The following ANK3 variants were observed in gnomAD, a reference collection of about 807,000 sequenced individuals.
The protein encoded by ANK3 is ankyrin-3.
A neutral mutation model predicts 370.9 loss-of-function variants in ANK3; 57 were observed. The observed-to-expected ratio is 0.15, with a 90% CI of 0.12 to 0.19. ANK3 has a LOEUF of 0.19. Among genes scored for constraint, ANK3 ranks in the 10% least tolerant of loss-of-function variants. ANK3 has a pLI of 1.00. For synonymous variants in ANK3, 1,929 were observed against 1,946.3 expected, an observed-to-expected ratio of 0.99 and a Z score of 0.23; for missense variants, 4,439 against 5,302.1, an observed-to-expected ratio of 0.84 and a Z score of 5.06.
At chr10:60,684,876 T>A in intron 1 of ANK3, 1 of 1,485,854 alleles carries the variant, frequency 6.7e-7, no homozygotes, top group South Asian at 1.2e-5. Context: ...TATCAGAAAA[T>A]CAAGGAGTCC....
intron 2 of ANK3, among the ~76,000 whole-genome samples, chr10:60,606,427 G>A (rs912298476): frequency 1.3e-5 from 2 of 151,864 alleles, no homozygotes; most frequent in African/African-American, 4.8e-5. Flanking sequence ...CCCTCATTTG[G>A]TGATTAAAAT....
chr10:60,350,959 T>C (rs917505614), intron 1 of ANK3, among the ~76,000 whole-genome samples: 2 of 151,196 alleles, frequency 1.3e-5, no homozygotes, highest in Non-Finnish European at 2.9e-5. Flanking sequence ...ATTGGTTTCA[T>C]AGAGAAAAAA....
intron 8 of ANK3, among the ~76,000 whole-genome samples, chr10:60,229,308 G>A (rs1052568653): frequency 6.6e-6 from 1 of 152,034 alleles, no homozygotes; most frequent in Non-Finnish European, 1.5e-5. Flanking sequence ...TAATGTTCTT[G>A]TCAACATATC....
chr10:60,212,202 T>C (rs2096868434), intron 9 of ANK3, among the ~76,000 whole-genome samples: 1 of 152,160 alleles, frequency 6.6e-6, no homozygotes, highest in African/African-American at 2.4e-5. Flanking sequence ...TGGTCCTTAC[T>C]GCTCTGAGAA....
chr10:60,416,964 G>A (rs563844177), intron 2 of ANK3, among the ~76,000 whole-genome samples: 1 of 152,222 alleles, frequency 6.6e-6, no homozygotes, highest in African/African-American at 2.4e-5. Flanking sequence ...ATTGTACCAA[G>A]AATAAACTGT....
At chr10:60,722,881 C>A (rs1362934448) in intron 1 of ANK3, among the ~76,000 whole-genome samples, 1 of 152,170 alleles carries the variant, frequency 6.6e-6, no homozygotes, top group African/African-American at 2.4e-5. Flanking sequence ...CTTCCTGATG[C>A]CTTAGCAGGA....
At chr10:60,475,773 A>T (rs1595106996) in intron 2 of ANK3, among the ~76,000 whole-genome samples, 1 of 152,164 alleles carries the variant, frequency 6.6e-6, no homozygotes, top group Non-Finnish European at 1.5e-5. Flanking sequence ...GACTCTGGCC[A>T]TATCCCACCA....
At chr10:60,087,239 T>C (rs2086953100) in intron 29 of ANK3, among the ~76,000 whole-genome samples, 1 of 152,182 alleles carries the variant, frequency 6.6e-6, no homozygotes, top group Non-Finnish European at 1.5e-5. Flanking sequence ...ATGCAGGACA[T>C]TCAGTAAAAC....
chr10:60,389,033 C>T (rs761532640), intron 1 of ANK3, among the ~76,000 whole-genome samples: 1 of 152,140 alleles, frequency 6.6e-6, no homozygotes, highest in Non-Finnish European at 1.5e-5. Context: ...CGAGACAAAC[C>T]TCTAAGAAGT....
At chr10:60,670,063 G>C (rs549297053) in intron 1 of ANK3, among the ~76,000 whole-genome samples, 1 of 152,110 alleles carries the variant, frequency 6.6e-6, no homozygotes, top group South Asian at 2.1e-4. Flanking sequence ...GGGCTCAAGG[G>C]ATCCTTTCGT....
At chr10:60,205,442 C>G (rs1039634434) in intron 11 of ANK3, among the ~76,000 whole-genome samples, 10 of 152,234 alleles carry the variant, frequency 6.6e-5, no homozygotes, top group African/African-American at 2.4e-4. Context: ...AAAAGTACCT[C>G]CAGACATGAC....
At chr10:60,133,646 G>A (rs910235645) in intron 25 of ANK3, among the ~76,000 whole-genome samples, 1 of 152,172 alleles carries the variant, frequency 6.6e-6, no homozygotes, top group Non-Finnish European at 1.5e-5. Flanking sequence ...ATTCAGGCTG[G>A]GTGCGGTGGT....
chr10:60,121,827 C>G (rs2093494994), intron 25 of ANK3, among the ~76,000 whole-genome samples: 1 of 152,104 alleles, frequency 6.6e-6, no homozygotes, highest in Admixed American at 6.5e-5. Flanking sequence ...AGGACAAATG[C>G]TTGAGGTGAT....
At chr10:60,133,196 T>C (rs2094181169) in intron 25 of ANK3, among the ~76,000 whole-genome samples, 1 of 152,238 alleles carries the variant, frequency 6.6e-6, no homozygotes, top group African/African-American at 2.4e-5. Flanking sequence ...CATTGTGCAG[T>C]AAGTCAAAAA....
chr10:60,428,574 A>G (rs1267423778), intron 2 of ANK3, among the ~76,000 whole-genome samples: 1 of 152,234 alleles, frequency 6.6e-6, no homozygotes, highest in Non-Finnish European at 1.5e-5. Context: ...CACAGCCCTG[A>G]TAACAGTGAC....
At chr10:60,327,577 A>C (rs536797291) in intron 1 of ANK3, among the ~76,000 whole-genome samples, 2 of 152,302 alleles carry the variant, frequency 1.3e-5, no homozygotes, top group Admixed American at 1.3e-4. Flanking sequence ...AATAAGGGTG[A>C]GGATATGGGA....
At chr10:60,507,382 G>A (rs538931945) in intron 2 of ANK3, 6 of 151,876 alleles carry the variant, frequency 4.0e-5, no homozygotes, top group African/African-American at 1.2e-4. Flanking sequence ...TAGAATACTC[G>A]TAACATTGAG....
intron 1 of ANK3, among the ~76,000 whole-genome samples, chr10:60,619,769 T>A (rs900866089): frequency 6.6e-6 from 1 of 152,162 alleles, no homozygotes; most frequent in Admixed American, 6.6e-5. Flanking sequence ...ACCCAGGACT[T>A]CTGTTGTCAA....
chr10:60,443,081 T>A (rs1375962619), intron 2 of ANK3, among the ~76,000 whole-genome samples: 1 of 152,202 alleles, frequency 6.6e-6, no homozygotes, highest in East Asian at 1.9e-4. Flanking sequence ...GTCTTAGAGC[T>A]CAGGTCTTAG....
Sources: allele counts gnomAD v4.1 joint callset (sites outside exome capture counted in the v4.1 genomes callset), GRCh38; gene constraint gnomAD v4.1.1; transcripts MANE v1.5; gene names NCBI Gene and HGNC (gene_info 2026-07-23, HGNC 2026-07-21).